TMTC1: variants seen among roughly 807,000 people sequenced by gnomAD.
TMTC1 encodes transmembrane O-mannosyltransferase targeting cadherins 1.
A neutral mutation model predicts 104.8 loss-of-function variants in TMTC1; 73 were observed. That is an observed-to-expected ratio of 0.70 (90% confidence interval 0.58 to 0.85). The LOEUF (loss-of-function observed/expected upper bound fraction) is 0.85. Among genes scored for constraint, TMTC1 ranks in the 40% least tolerant of loss-of-function variants. TMTC1 has a pLI of 0.00. For missense variants in TMTC1, 1,035 were observed against 1,096.1 expected (o/e 0.94, Z 0.79); for synonymous variants, 434 against 428.7 (o/e 1.01, Z -0.15).
At chr12:29,771,875 G>A (rs899495167) in intron 1 of TMTC1, among the ~76,000 whole-genome samples, 2 of 152,172 alleles carry the variant, frequency 1.3e-5, no homozygotes, top group Non-Finnish European at 2.9e-5. Flanking sequence ...CAGAAATAAT[G>A]CCAAGTTCTC....
chr12:29,526,248 TAAC>T (rs1460993798), intron 11 of TMTC1, among the ~76,000 whole-genome samples: 2 of 152,202 alleles, frequency 1.3e-5, no homozygotes, highest in African/African-American at 4.8e-5. Context: ...ACAGAACTTT[TAAC>T]AATGAAAGCT....
intron 5 of TMTC1, among the ~76,000 whole-genome samples, chr12:29,696,538 C>T (rs537839951): frequency 1.3e-5 from 2 of 152,204 alleles, no homozygotes; most frequent in South Asian, 4.2e-4. Context: ...AAATCTTTTG[C>T]TCTGGAAAGA....
chr12:29,770,603 T>C (rs11050426), intron 1 of TMTC1, among the ~76,000 whole-genome samples: 15,339 of 152,118 alleles, frequency 0.1, 947 homozygotes, highest in East Asian at 0.19. Context: ...TCCCAAAATA[T>C]AAAATAAATT....
chr12:29,589,175 A>G (rs1396965767), intron 7 of TMTC1, among the ~76,000 whole-genome samples: 1 of 152,232 alleles, frequency 6.6e-6, no homozygotes, highest in East Asian at 1.9e-4. Context: ...CTCTGGCAAC[A>G]TGTGGATTCA....
chr12:29,723,584 T>C (rs1483439246), intron 5 of TMTC1, among the ~76,000 whole-genome samples: 1 of 151,894 alleles, frequency 6.6e-6, no homozygotes, highest in Non-Finnish European at 1.5e-5. Flanking sequence ...ATTAGTCAGA[T>C]GTCTGTAATC....
chr12:29,568,836 C>G (rs1482329412), intron 9 of TMTC1: 2 of 447,770 alleles, frequency 4.5e-6, no homozygotes, highest in East Asian at 1.4e-4. Flanking sequence ...GTTGGGTGGT[C>G]TCTGGACTTT....
intron 4 of TMTC1, among the ~76,000 whole-genome samples, chr12:29,754,982 AAAGT>A (rs557059196): frequency 1.2e-3 from 190 of 152,308 alleles, no homozygotes; most frequent in African/African-American, 4.4e-3. Flanking sequence ...TAAAAGTTTA[AAAGT>A]AAGGACCTTA....
intron 5 of TMTC1, among the ~76,000 whole-genome samples, chr12:29,642,086 G>C (rs1411682999): frequency 6.6e-6 from 1 of 152,094 alleles, no homozygotes; most frequent in East Asian, 1.9e-4. Context: ...AAGAAGTCTA[G>C]GATTATGTTA....
intron 6 of TMTC1, among the ~76,000 whole-genome samples, chr12:29,627,861 C>A (rs948392412): frequency 2.0e-5 from 3 of 152,168 alleles, no homozygotes; most frequent in African/African-American, 7.2e-5. Flanking sequence ...GCAAAAAGAT[C>A]ACTTTGACCT....
At chr12:29,705,144 T>A (rs541888572) in intron 5 of TMTC1, among the ~76,000 whole-genome samples, 2 of 152,202 alleles carry the variant, frequency 1.3e-5, no homozygotes, top group Non-Finnish European at 2.9e-5. Flanking sequence ...CAAACACAGA[T>A]GACAGCACCT....
intron 11 of TMTC1, among the ~76,000 whole-genome samples, chr12:29,531,868 T>C (rs1369347092): frequency 3.9e-5 from 6 of 152,154 alleles, no homozygotes; most frequent in African/African-American, 4.8e-5. Flanking sequence ...CTCCATTCCA[T>C]GCCTAACCTC....
intron 9 of TMTC1, among the ~76,000 whole-genome samples, chr12:29,566,016 T>G (rs933813214): frequency 1.3e-5 from 2 of 151,988 alleles, no homozygotes; most frequent in African/African-American, 4.8e-5. Context: ...GACACACAAT[T>G]AACAAAACGA....
chr12:29,671,552 C>A (rs1940517895), intron 5 of TMTC1, among the ~76,000 whole-genome samples: 1 of 150,282 alleles, frequency 6.7e-6, no homozygotes, highest in Non-Finnish European at 1.5e-5. Context: ...CACGCTAATT[C>A]TTTAAGTGCA....
At chr12:29,579,308 GACA>G (rs1192152222) in intron 8 of TMTC1, among the ~76,000 whole-genome samples, 4 of 152,140 alleles carry the variant, frequency 2.6e-5, no homozygotes, top group African/African-American at 9.7e-5. Flanking sequence ...TTTTCCCCAA[GACA>G]ACATCAGAGT....
chr12:29,512,675 T>A (rs898533191), intron 16 of TMTC1, among the ~76,000 whole-genome samples: 1 of 152,178 alleles, frequency 6.6e-6, no homozygotes, highest in Non-Finnish European at 1.5e-5. Flanking sequence ...CCCTGCCACA[T>A]GAAAAGTCTT....
At chr12:29,528,049 A>G (rs1437611048) in intron 11 of TMTC1, among the ~76,000 whole-genome samples, 1 of 152,192 alleles carries the variant, frequency 6.6e-6, no homozygotes. Flanking sequence ...CTACTCATAA[A>G]CAAAAAACAA....
At chr12:29,643,631 T>TATATA (rs1229088130) in intron 5 of TMTC1, among the ~76,000 whole-genome samples, 1,413 of 21,476 alleles carry the variant, frequency 0.066, 104 homozygotes, top group South Asian at 0.12. Flanking sequence ...CTATATATTA[T>TATATA]ATATATAATA....
At chr12:29,619,533 T>C (rs11830014) in intron 6 of TMTC1, among the ~76,000 whole-genome samples, 3,507 of 152,336 alleles carry the variant, frequency 0.023, 141 homozygotes, top group African/African-American at 0.08. Flanking sequence ...GTCCACGTTG[T>C]TCCAACCCCT....
intron 1 of TMTC1, among the ~76,000 whole-genome samples, chr12:29,769,487 C>A (rs1024447836): frequency 2.6e-5 from 4 of 152,182 alleles, no homozygotes; most frequent in African/African-American, 9.6e-5. Flanking sequence ...ATAGGTCCAA[C>A]AAAGCGGGGA....
Sources: gnomAD v4.1 joint callset for allele counts (sites outside exome capture counted in the v4.1 genomes callset) on GRCh38, gnomAD v4.1.1 for gene constraint, MANE v1.5 for transcripts, NCBI Gene and HGNC (gene_info 2026-07-23, HGNC 2026-07-21) for gene names.